The following GSE1 variants were observed in gnomAD, a reference collection of about 807,000 sequenced individuals.
GSE1 encodes the protein Gse1 coiled-coil protein.
GSE1 carries 32 observed loss-of-function variants against 112.6 expected under a neutral mutation model. That is an observed-to-expected ratio of 0.28 (90% confidence interval 0.21 to 0.38). The LOEUF (loss-of-function observed/expected upper bound fraction) is 0.38, where lower values mean the gene tolerates loss of function less well. GSE1 is among the 10% of genes least tolerant of loss of function. The pLI is 1.00. For missense variants in GSE1, 2,348 were observed against 1,699.2 expected (o/e 1.38, Z -6.71); for synonymous variants, 1,115 against 735.6 (o/e 1.52, Z -8.35).
rs1312795415 is a variant in GSE1 at position 85,646,131 on chromosome 16, CTA to C, written c.227-2419_227-2418del. Among the ~76,000 whole-genome samples the C allele has an allele frequency of 9.3e-3, 1,112 of 119,014 alleles. 48 individuals carry two copies. Among genetic ancestry groups the C allele is most frequent in the South Asian group, 0.036 (112 of 3,132 alleles). The allele number at this position is 119,014 out of a possible 152,430, so 78.1% of individuals were successfully genotyped here. On this transcript the variant is annotated intron_variant, in intron 2 of 15. Coordinates refer to ENST00000253458, the MANE Select transcript of GSE1 (RefSeq NM_014615.5). ...ATTCTACCTGCTTCTACCACGCTTC[CTA>C]TGCATGCATTCTACCTGCTTCTACC...
intron 1 of GSE1, among the ~76,000 whole-genome samples, 170 bp from the exon 2 acceptor site, chr16:85,633,744 T>C (rs917004229): frequency 6.6e-6 from 1 of 152,180 alleles, no homozygotes; most frequent in Non-Finnish European, 1.5e-5. Flanking sequence ...GGACGGGGTC[T>C]GTTCTCTCTG....
chr16:85,347,326 G>A (rs889955756), intron 1 of GSE1, among the ~76,000 whole-genome samples: 5 of 152,174 alleles, frequency 3.3e-5, no homozygotes, highest in Non-Finnish European at 5.9e-5. Flanking sequence ...TGATGCCAAG[G>A]TCTCAGGGCC....
At chr16:85,307,275 C>T (rs1007089546) in intron 1 of GSE1, among the ~76,000 whole-genome samples, 10 of 152,252 alleles carry the variant, frequency 6.6e-5, no homozygotes, top group East Asian at 1.9e-4. Flanking sequence ...CAGTGGCCAC[C>T]GCTTTCTCTT....
chr16:85,213,574 G>A (rs986162398), intron 1 of GSE1, among the ~76,000 whole-genome samples: 2 of 152,224 alleles, frequency 1.3e-5, no homozygotes, highest in African/African-American at 4.8e-5. Context: ...TTTCCGAGCC[G>A]AAGTGTCACG....
At chr16:85,243,390 C>T (rs535455453) in intron 1 of GSE1, among the ~76,000 whole-genome samples, 4 of 152,320 alleles carry the variant, frequency 2.6e-5, no homozygotes, top group African/African-American at 7.2e-5. Context: ...GGGGCTTACC[C>T]CAAACGGGGA....
At chr16:85,483,586 T>C (rs2050748022) in intron 2 of GSE1, among the ~76,000 whole-genome samples, 1 of 152,270 alleles carries the variant, frequency 6.6e-6, no homozygotes, top group Admixed American at 6.5e-5. Flanking sequence ...CCCCGGCCAC[T>C]GTCTCCGCCC....
At position 85,310,791 on chromosome 16, in the gene GSE1, C is replaced by T. The variant is rs867615013; in HGVS notation, c.2284-46672C>T. Among the ~76,000 whole-genome samples, 66 of 151,122 alleles carry T rather than the reference C, an allele frequency of 4.4e-4. 1 individual carries two copies. The highest frequency in any genetic ancestry group is 3.4e-3 in the Middle Eastern group (1 of 292). ...ACCTCTGGCCTGCGTCCCCCCCCCA[C>T]CCACCTCCCCAGCCCAGCCCCTCCC... On this transcript the variant is annotated intron_variant, in intron 1 of 2. Transcript: ENST00000637419.
chr16:85,647,822 T>C (rs1426468637), intron 2 of GSE1, among the ~76,000 whole-genome samples: 2 of 152,154 alleles, frequency 1.3e-5, no homozygotes, highest in Non-Finnish European at 2.9e-5. Context: ...CCTGACCTCG[T>C]GATCTGTCTG....
At chr16:85,325,730 G>A (rs1377060223) in intron 1 of GSE1, among the ~76,000 whole-genome samples, 3 of 150,418 alleles carry the variant, frequency 2.0e-5, no homozygotes, top group East Asian at 3.9e-4. Flanking sequence ...GGGATTAGAG[G>A]CGTGAGCCAC....
At chr16:85,299,822 G>T (rs2045469300) in intron 1 of GSE1, among the ~76,000 whole-genome samples, 1 of 151,592 alleles carries the variant, frequency 6.6e-6, no homozygotes, top group Admixed American at 6.6e-5. Context: ...CATAATCACA[G>T]CTAATCAGGA....
rs1433173395 is a variant in GSE1 at position 85,419,367 on chromosome 16, C to T, written c.2464+61724C>T. Among the ~76,000 whole-genome samples the T allele has an allele frequency of 6.6e-6, 1 of 152,032 alleles. No homozygotes were observed. The highest frequency in any genetic ancestry group is 1.9e-4 in the East Asian group (1 of 5,174). ...GTGGCTCGTGCCTATAATCCCAGCA[C>T]TTTGGGAGGCTGAGATGGGAGGACT... On this transcript the variant is annotated intron_variant, in intron 2 of 2. Transcript: ENST00000637419. The surrounding 1 kb of genome is among the most constrained non-coding windows in gnomAD (Gnocchi z 6.5).
intron 11 of GSE1, among the ~76,000 whole-genome samples, chr16:85,663,980 C>A (rs1033022597): frequency 6.6e-6 from 1 of 152,362 alleles, no homozygotes; most frequent in South Asian, 2.1e-4. Flanking sequence ...CTTGCTGGAC[C>A]GCTTAGGTGG....
chr16:85,571,604 TG>T (rs1247935601), intron 1 of GSE1, among the ~76,000 whole-genome samples: 1 of 151,996 alleles, frequency 6.6e-6, no homozygotes, highest in South Asian at 2.1e-4. Flanking sequence ...GAGAGCCTAG[TG>T]GGGAGGTCTT....
At chr16:85,672,269 A>T in intron 15 of GSE1, 136 bp from the exon 16 acceptor site, 1 of 665,340 alleles carries the variant, frequency 1.5e-6, no homozygotes, top group Non-Finnish European at 2.7e-6. Context: ...TGCTGGGATT[A>T]CAGGCGTGAG....
chr16:85,624,470 C>T (rs1045033666), intron 1 of GSE1, among the ~76,000 whole-genome samples: 3 of 152,212 alleles, frequency 2.0e-5, no homozygotes, highest in African/African-American at 4.8e-5. Context: ...GTGTAGGTCC[C>T]GTCCGTAAAA....
chr16:85,201,601 G>T (rs937457093), intron 1 of GSE1, among the ~76,000 whole-genome samples: 13 of 151,590 alleles, frequency 8.6e-5, no homozygotes, highest in Admixed American at 6.6e-4. Context: ...GCAGTGAGCT[G>T]AGATCAGGCC....
chr16:85,661,678 A>G lies in GSE1; in HGVS notation c.2173A>G (p.Ile725Val). The G allele has an allele frequency of 3.1e-6, 5 of 1,609,956 alleles. No homozygotes were observed. Among genetic ancestry groups the G allele is most frequent in the Non-Finnish European group, 4.2e-6 (5 of 1,178,680 alleles). Residue 725 changes from isoleucine (I) to valine (V), a missense_variant, in exon 9 of 16, where the codon ATC becomes GTC. Ile to Val is a conservative substitution (Grantham distance 29). Coordinates refer to ENST00000253458, the MANE Select transcript of GSE1 (RefSeq NM_014615.5). ...GCCACGGGCCCCCGACCCTGCCTAC[A>G]TCTATGATGAGTTCCTGCAGCAGCG... ...PVPRAPDPAY[I>V]YDEFLQQRRR...
chr16:85,199,563 AC>A (rs1276951650), intron 1 of GSE1, among the ~76,000 whole-genome samples: 2 of 152,146 alleles, frequency 1.3e-5, no homozygotes, highest in Admixed American at 6.5e-5. Context: ...GAAAAGAGAC[AC>A]GTTTCTTCTC....
At chr16:85,256,713 A>C (rs1907123068) in intron 1 of GSE1, among the ~76,000 whole-genome samples, 1 of 152,210 alleles carries the variant, frequency 6.6e-6, no homozygotes, top group Non-Finnish European at 1.5e-5. Flanking sequence ...AGCCACCCAG[A>C]GGTGTTGTCA....
Sources: gnomAD v4.1 joint callset for allele counts (sites outside exome capture counted in the v4.1 genomes callset) on GRCh38, gnomAD v4.1.1 for gene constraint, Gnocchi (gnomAD v3.1) non-coding constraint, MANE v1.5 for transcripts, NCBI Gene and HGNC (gene_info 2026-07-23, HGNC 2026-07-21) for gene names.